RAPH1: variants seen among roughly 807,000 people sequenced by gnomAD.
RAPH1 encodes Ras association (RalGDS/AF-6) and pleckstrin homology domains 1.
RAPH1 carries 18 observed loss-of-function variants against 88.1 expected under a neutral mutation model. That is an observed-to-expected ratio of 0.20 (90% CI 0.14 to 0.30). The LOEUF is 0.30. Among genes scored for constraint, RAPH1 ranks in the 10% least tolerant of loss-of-function variants. RAPH1 has a pLI of 1.00. For synonymous variants in RAPH1, 587 were observed against 559.0 expected (o/e 1.05, Z -0.71); for missense variants, 1,448 against 1,543.2 (o/e 0.94, Z 1.03).
At chr2:203,481,541 A>G (rs1244977465) in intron 4 of RAPH1, among the ~76,000 whole-genome samples, 1 of 148,756 alleles carries the variant, frequency 6.7e-6, no homozygotes, top group East Asian at 2.0e-4. Context: ...TTTTTGTTTT[A>G]TAGCCCCTAT....
chr2:203,454,113 T>C (rs1242591086), intron 10 of RAPH1, among the ~76,000 whole-genome samples: 1 of 152,172 alleles, frequency 6.6e-6, no homozygotes, highest in African/African-American at 2.4e-5. Flanking sequence ...TGACCTACAT[T>C]CGGCTCTGTT....
chr2:203,460,694 C>G (rs1366159090), intron 6 of RAPH1, among the ~76,000 whole-genome samples: 1 of 151,028 alleles, frequency 6.6e-6, no homozygotes, highest in African/African-American at 2.4e-5. Context: ...TTTAAAAAAA[C>G]TTTGTTTTAG....
intron 2 of RAPH1, among the ~76,000 whole-genome samples, chr2:203,493,118 G>A (rs1055182250): frequency 6.6e-6 from 1 of 152,158 alleles, no homozygotes; most frequent in Non-Finnish European, 1.5e-5. Context: ...GTGTTACAAA[G>A]CAACATATTA....
intron 4 of RAPH1, among the ~76,000 whole-genome samples, chr2:203,470,074 C>G (rs144664362): frequency 6.6e-6 from 1 of 152,072 alleles, no homozygotes; most frequent in African/African-American, 2.4e-5. Flanking sequence ...TATTGCCTGA[C>G]AGTCATTAAG....
At chr2:203,514,205 A>G (rs1403690772) in intron 1 of RAPH1, among the ~76,000 whole-genome samples, 1 of 152,080 alleles carries the variant, frequency 6.6e-6, no homozygotes, top group African/African-American at 2.4e-5. Flanking sequence ...TCTATTACTT[A>G]AGGGGAGGGA....
chr2:203,502,893 C>T (rs1036373031), intron 1 of RAPH1, among the ~76,000 whole-genome samples: 1 of 137,388 alleles, frequency 7.3e-6, no homozygotes, highest in African/African-American at 2.8e-5. Flanking sequence ...CCTGTAATCC[C>T]AGCACTTTGG....
In RAPH1 at chr2:203,489,674, G is replaced by C. The variant is rs760714383; in HGVS notation, c.642C>G (p.Ser214=). The C allele has an allele frequency of 1.2e-6, 2 of 1,614,088 alleles. No homozygotes were observed. The highest frequency in any genetic ancestry group is 8.5e-7 in the Non-Finnish European group (1 of 1,180,000). Residue 214 remains serine, a synonymous_variant, in exon 4 of 14, where the codon TCC becomes TCG. Coordinates refer to ENST00000319170, the MANE Select transcript of RAPH1 (RefSeq NM_213589.3). ...ISNSSHSSIT[S]AASSMDSLDI... is the part of the protein sequence containing the mutation. ...CCAAAGAGTCCATGCTGGAGGCTGC[G>C]GAAGTGATGCTGGAATGGGAGGAAT...
In RAPH1 at chr2:203,434,056, C is replaced by CTATCTATCTATA. The variant is rs1488308709; in HGVS notation, c.*5380_*5381insTATAGATAGATA. ...CTCTCTCATATATCTATCTATCTAT[C>CTATCTATCTATA]TATATATATATATATATATATATAG... On this transcript the variant is annotated 3_prime_UTR_variant, in exon 14 of 14. Coordinates refer to ENST00000319170, the MANE Select transcript of RAPH1 (RefSeq NM_213589.3). 4.0e-4 allele frequency: 59 copies of CTATCTATCTATA among 145,690 alleles called. No homozygotes were observed. The highest frequency in any genetic ancestry group is 1.4e-3 in the African/African-American group (57 of 39,314). 9.0% of individuals were successfully genotyped at this position (145,690 alleles called of 1,614,324 possible).
chr2:203,514,536 C>T (rs555595741), intron 1 of RAPH1, among the ~76,000 whole-genome samples: 11 of 151,990 alleles, frequency 7.2e-5, no homozygotes, highest in East Asian at 1.9e-4. Flanking sequence ...GGCAGCATGT[C>T]GCACATCTAA....
intron 4 of RAPH1, chr2:203,477,227 G>C: frequency 8.9e-7 from 1 of 1,124,688 alleles, no homozygotes; most frequent in Non-Finnish European, 1.3e-6. Context: ...TTACCATGCA[G>C]GAAGAGAAAA....
chr2:203,499,751 C>A (rs1688659766), intron 1 of RAPH1, among the ~76,000 whole-genome samples: 1 of 151,778 alleles, frequency 6.6e-6, no homozygotes, highest in Non-Finnish European at 1.5e-5. Context: ...AGAGACTTTC[C>A]AAAAAAAACT....
Position 203,491,183 on chromosome 2 carries a change from A to G in RAPH1, c.226+31T>C. 13 of 1,448,016 alleles carry G rather than the reference A, an allele frequency of 9.0e-6. 1 individual carries two copies. Among genetic ancestry groups the G allele is most frequent in the Non-Finnish European group, 1.3e-5 (13 of 1,030,788 alleles). 89.7% of individuals were successfully genotyped at this position (1,448,016 alleles called of 1,614,324 possible). ...CCTACATTGTGTGACTTAGCATACT[A>G]TTTTACATTTTATTTCCAATTACAT... On this transcript the variant is annotated intron_variant, in intron 3 of 13. Coordinates refer to ENST00000319170, the MANE Select transcript of RAPH1 (RefSeq NM_213589.3).
At chr2:203,456,559 G>T (rs1468578152) in intron 8 of RAPH1, among the ~76,000 whole-genome samples, 1 of 152,150 alleles carries the variant, frequency 6.6e-6, no homozygotes, top group African/African-American at 2.4e-5. Flanking sequence ...ATTTGTGAAA[G>T]AAAAGAGAAA....
chr2:203,502,691 G>C (rs1688789304), intron 1 of RAPH1, among the ~76,000 whole-genome samples: 2 of 151,566 alleles, frequency 1.3e-5, no homozygotes, highest in Admixed American at 6.6e-5. Flanking sequence ...GTGGTGGCAG[G>C]TGCCTGTAGT....
rs142514610 is a variant in RAPH1 at position 203,441,522 on chromosome 2, T to C, written c.1777-109A>G. 2.0e-4 allele frequency: 282 copies of C among 1,413,090 alleles called. No individual in the cohort carries two copies. In the African/African-American group the frequency reaches 3.5e-3, roughly 18 times the overall value. 87.5% of individuals were successfully genotyped at this position (1,413,090 alleles called of 1,614,324 possible). On this transcript the variant is annotated intron_variant, in intron 13 of 13. Transcript: ENST00000319170. The stretch of plus-strand genomic sequence containing the variant: ...ACTAAAAAGCAGGGAGTCTGGGACA[T>C]GCATGAAAAGGATGCAGAAGTTGGT...
intron 1 of RAPH1, among the ~76,000 whole-genome samples, chr2:203,531,267 C>T (rs987735147): frequency 1.3e-5 from 2 of 150,304 alleles, no homozygotes; most frequent in African/African-American, 4.9e-5. Flanking sequence ...GAGTGGGGGG[C>T]TGGGGGAGGG....
At chr2:203,508,240 A>AAAAT (rs1208344759) in intron 1 of RAPH1, among the ~76,000 whole-genome samples, 6 of 149,466 alleles carry the variant, frequency 4.0e-5, no homozygotes, top group Non-Finnish European at 5.9e-5. Context: ...AAAAAAAAAA[A>AAAAT]AAGGAAGAAA....
chr2:203,495,209 A>C, intron 2 of RAPH1, 25 bp downstream of exon 2: 1 of 1,613,350 alleles, frequency 6.2e-7, no homozygotes, highest in Non-Finnish European at 8.5e-7. Context: ...TCAAATCCTC[A>C]ACCAGTTTTT....
chr2:203,479,907 C>T (rs1326484164), intron 4 of RAPH1, among the ~76,000 whole-genome samples: 2 of 152,110 alleles, frequency 1.3e-5, no homozygotes, highest in Admixed American at 1.3e-4. Flanking sequence ...CTAATATTTA[C>T]GTACTCTTTA....
Sources: gnomAD v4.1 joint callset for allele counts (sites outside exome capture counted in the v4.1 genomes callset) on GRCh38, gnomAD v4.1.1 for gene constraint, MANE v1.5 for transcripts, NCBI Gene and HGNC (gene_info 2026-07-23, HGNC 2026-07-21) for gene names.